CSMD3: variants seen among roughly 807,000 people sequenced by gnomAD.
CSMD3 encodes the protein CUB and sushi domain-containing protein 3.
CSMD3 carries 177 observed loss-of-function variants against 435.2 expected under a neutral mutation model. The observed-to-expected ratio is 0.41, with a 90% CI of 0.36 to 0.46. CSMD3 has a LOEUF of 0.46. Ranked by LOEUF, CSMD3 falls within the 20% of genes least tolerant of loss-of-function variation. The pLI is 0.34. For missense variants in CSMD3, 4,265 were observed against 4,504.6 expected (o/e 0.95, Z 1.52); for synonymous variants, 1,656 against 1,520.5 (o/e 1.09, Z -2.07).
At chr8:112,899,405 G>A (rs1216673429) in intron 10 of CSMD3, among the ~76,000 whole-genome samples, 4 of 149,494 alleles carry the variant, frequency 2.7e-5, no homozygotes, top group Non-Finnish European at 6.0e-5. Flanking sequence ...TAAAATATGT[G>A]CATATAGGCA....
chr8:112,466,653 T>G (rs1817984131), intron 32 of CSMD3, among the ~76,000 whole-genome samples: 1 of 152,178 alleles, frequency 6.6e-6, no homozygotes, highest in Non-Finnish European at 1.5e-5. Context: ...ATTGTTTTAC[T>G]TTTTTCTTCT....
In CSMD3 at chr8:112,427,741, A is replaced by G. The variant is rs190264208; in HGVS notation, c.5396-18709T>C. On this transcript the variant is annotated intron_variant, in intron 32 of 70. Transcript: ENST00000297405. ...GCTTCATCCTACAGTATATCTTTCCATCAGCTTCATACATAGAAGCATTCA... is the reference window on the plus strand; with the variant it reads ...GCTTCATCCTACAGTATATCTTTCCGTCAGCTTCATACATAGAAGCATTCA... Among the ~76,000 whole-genome samples, 303 of 152,248 alleles carry G rather than the reference A, an allele frequency of 2.0e-3. 1 individual carries two copies. The highest frequency in any genetic ancestry group is 3.9e-3 in the Admixed American group (60 of 15,280).
chr8:113,283,080 A>C (rs908385320), intron 2 of CSMD3, among the ~76,000 whole-genome samples: 4 of 152,146 alleles, frequency 2.6e-5, no homozygotes, highest in African/African-American at 9.6e-5. Flanking sequence ...ATAAAAAATC[A>C]ACTCAAGATG....
At chr8:112,236,602 G>T (rs1004093286) in intron 67 of CSMD3, among the ~76,000 whole-genome samples, 20 of 152,146 alleles carry the variant, frequency 1.3e-4, no homozygotes, top group Non-Finnish European at 8.8e-5. Flanking sequence ...AGGTCATTGG[G>T]AGTATTGCTT....
chr8:112,405,451 C>T (rs1028654413), intron 35 of CSMD3, among the ~76,000 whole-genome samples: 4 of 150,818 alleles, frequency 2.7e-5, no homozygotes, highest in Non-Finnish European at 4.4e-5. Flanking sequence ...TCCCTACTTT[C>T]TATATTTTCT....
intron 7 of CSMD3, among the ~76,000 whole-genome samples, chr8:112,963,725 C>T (rs1028790849): frequency 7.9e-5 from 12 of 151,578 alleles, no homozygotes; most frequent in African/African-American, 1.7e-4. Context: ...GTAAAACTGG[C>T]AAGAAAAAAT....
intron 4 of CSMD3, among the ~76,000 whole-genome samples, chr8:113,117,830 T>A (rs1217704033): frequency 6.6e-6 from 1 of 152,234 alleles, no homozygotes; most frequent in Non-Finnish European, 1.5e-5. Context: ...GGATTTTGGA[T>A]TTCCATGGGG....
intron 24 of CSMD3, among the ~76,000 whole-genome samples, chr8:112,562,218 A>C (rs1024491712): frequency 2.0e-5 from 3 of 151,758 alleles, no homozygotes; most frequent in African/African-American, 7.2e-5. Flanking sequence ...GTTTATGAGT[A>C]ACTATGTATT....
At chr8:112,972,496 T>G (rs1476717066) in intron 7 of CSMD3, among the ~76,000 whole-genome samples, 1 of 151,830 alleles carries the variant, frequency 6.6e-6, no homozygotes. Context: ...TCCAGTTCCA[T>G]TTTGTGAATT....
At chr8:113,049,010 A>T (rs1465665830) in intron 5 of CSMD3, among the ~76,000 whole-genome samples, 1 of 152,120 alleles carries the variant, frequency 6.6e-6, no homozygotes, top group Non-Finnish European at 1.5e-5. Flanking sequence ...AGGCCGAGGC[A>T]AGCAGATCAC....
rs767064305 is a variant in CSMD3 at position 113,314,758 on chromosome 8, G to A, written c.214C>T (p.Leu72Phe). 1 of 1,612,370 alleles carries A rather than the reference G, an allele frequency of 6.2e-7. No homozygotes were observed. The highest frequency in any genetic ancestry group is 1.1e-5 in the South Asian group (1 of 91,054). Residue 72 changes from leucine to phenylalanine, a missense_variant, in exon 2 of 71, where the codon CTT becomes TTT. Transcript: ENST00000297405. ...IYTCGGTLKG[L>F]NGTIESPGFP... ...CCAGGGCTTTCTATAGTGCCATTAA[G>A]TCCTTTTAAAGTTCCACCACATGTA...
At chr8:113,253,916 A>C (rs1236177191) in intron 3 of CSMD3, among the ~76,000 whole-genome samples, 6 of 152,114 alleles carry the variant, frequency 3.9e-5, no homozygotes, top group Non-Finnish European at 8.8e-5. Flanking sequence ...ACTATATCTT[A>C]TCCTAACATG....
intron 2 of CSMD3, among the ~76,000 whole-genome samples, chr8:113,297,719 C>T (rs1026935390): frequency 6.6e-6 from 1 of 151,934 alleles, no homozygotes; most frequent in Non-Finnish European, 1.5e-5. Flanking sequence ...TATTCAACAC[C>T]AAGAGCTGGT....
intron 3 of CSMD3, among the ~76,000 whole-genome samples, chr8:113,229,431 G>T (rs2132176826): frequency 6.6e-6 from 1 of 151,124 alleles, no homozygotes; most frequent in East Asian, 2.0e-4. Context: ...TTAATGAGTA[G>T]AGTCCAATTA....
rs1163367599 is a variant in CSMD3, at chr8:113,082,758, A to T, written c.917+15998T>A. On this transcript the variant is annotated intron_variant, in intron 5 of 70. Coordinates refer to ENST00000297405, the MANE Select transcript of CSMD3 (RefSeq NM_198123.2). ...GAGAAATTCAACAGAGATATCATGT[A>T]AAGGAACAAAACAGATATCCTATAG... 2.0e-5 allele frequency among the ~76,000 whole-genome samples: 3 copies of T among 152,168 alleles called. No homozygotes were observed. The East Asian group carries it at 5.8e-4, about 29-fold the overall frequency.
At chr8:112,266,301 C>A (rs964961990) in intron 59 of CSMD3, among the ~76,000 whole-genome samples, 1 of 152,106 alleles carries the variant, frequency 6.6e-6, no homozygotes, top group Admixed American at 6.6e-5. Context: ...AATGGATGAG[C>A]TGGGTGGAGG....
At chr8:112,979,462 G>T (rs2130954001) in intron 6 of CSMD3, among the ~76,000 whole-genome samples, 1 of 151,542 alleles carries the variant, frequency 6.6e-6, no homozygotes, top group Non-Finnish European at 1.5e-5. Context: ...TTTTTAAATT[G>T]TCAAGATTCA....
At chr8:112,431,754 T>C (rs949454777) in intron 32 of CSMD3, among the ~76,000 whole-genome samples, 2 of 152,186 alleles carry the variant, frequency 1.3e-5, no homozygotes, top group African/African-American at 4.8e-5. Context: ...ATACTCCTTT[T>C]TGAGGATTGA....
intron 1 of CSMD3, among the ~76,000 whole-genome samples, chr8:113,353,143 G>A (rs2094200685): frequency 6.6e-6 from 1 of 152,088 alleles, no homozygotes; most frequent in Admixed American, 6.5e-5. Flanking sequence ...CATTCTGATG[G>A]ATTGGATGTG....
Sources: allele counts gnomAD v4.1 joint callset (sites outside exome capture counted in the v4.1 genomes callset), GRCh38; gene constraint gnomAD v4.1.1; transcripts MANE v1.5; gene names NCBI Gene and HGNC (gene_info 2026-07-23, HGNC 2026-07-21).